PCLO: variants seen among roughly 807,000 people sequenced by gnomAD.
PCLO encodes protein piccolo.
In PCLO, 82 loss-of-function variants were observed where a neutral mutation model predicts 427.5. The ratio of observed to expected loss-of-function variants is 0.19; its 90% CI spans 0.16 to 0.23. The LOEUF (loss-of-function observed/expected upper bound fraction) is 0.23, where lower values mean the gene tolerates loss of function less well. PCLO is among the 10% of genes least tolerant of loss of function. The pLI, the probability that PCLO is intolerant of heterozygous loss-of-function variation, is 1.00. For missense variants in PCLO, 6,239 were observed against 6,115.9 expected (o/e 1.02, Z -0.67); for synonymous variants, 2,357 against 2,155.4 (o/e 1.09, Z -2.59).
At chr7:82,845,599 A>T in intron 12 of PCLO, 114 bp from the exon 13 acceptor site, 1 of 685,564 alleles carries the variant, frequency 1.5e-6, no homozygotes, top group Non-Finnish European at 2.5e-6. Flanking sequence ...AAATAAGCTA[A>T]ACTTTAAAAA....
intron 3 of PCLO, among the ~76,000 whole-genome samples, chr7:83,040,751 T>G (rs1464569569): frequency 6.6e-6 from 1 of 152,166 alleles, no homozygotes; most frequent in East Asian, 1.9e-4. Context: ...GTCAGTTTCT[T>G]TGGAGAGGAA....
At chr7:82,793,838 G>A (rs1004014339) in intron 22 of PCLO, among the ~76,000 whole-genome samples, 2 of 152,020 alleles carry the variant, frequency 1.3e-5, no homozygotes, top group Non-Finnish European at 2.9e-5. Flanking sequence ...TTGTGTGTGG[G>A]GTCAGGGTAT....
chr7:83,062,368 A>C (rs776894523), intron 3 of PCLO, among the ~76,000 whole-genome samples: 2 of 152,184 alleles, frequency 1.3e-5, no homozygotes, highest in Non-Finnish European at 2.9e-5. Flanking sequence ...AAGGGAAATC[A>C]TATCTAAGCC....
chr7:83,000,021 C>G (rs1265368781), intron 3 of PCLO, among the ~76,000 whole-genome samples: 1 of 139,112 alleles, frequency 7.2e-6, no homozygotes, highest in Non-Finnish European at 1.5e-5. Flanking sequence ...TCTGAGAACA[C>G]CAAGCAGAAT....
intron 22 of PCLO, among the ~76,000 whole-genome samples, chr7:82,783,079 T>C (rs1457484081): frequency 6.6e-6 from 1 of 152,166 alleles, no homozygotes; most frequent in Non-Finnish European, 1.5e-5. Flanking sequence ...AGCAACTTCA[T>C]CCCTTGCCTT....
chr7:82,954,346 G>A lies in PCLO; in HGVS notation c.6607C>T (p.Leu2203=). Residue 2203 remains leucine (L), a synonymous_variant, in exon 5 of 25, where the codon CTG becomes TTG. Coordinates refer to ENST00000333891, the MANE Select transcript of PCLO (RefSeq NM_033026.6). ...TTDSSSPITT[L]DSITTVYTEP... is the part of the protein sequence containing the mutation. ...GTATAAACTGTGGTTATGCTATCCA[G>A]GGTAGTAATGGGTGAAGAGCTATCT... 2 of 1,613,828 alleles carry A rather than the reference G, an allele frequency of 1.2e-6. No individual in the cohort carries two copies. The highest frequency in any genetic ancestry group is 1.7e-6 in the Non-Finnish European group (2 of 1,179,780).
intron 22 of PCLO, among the ~76,000 whole-genome samples, chr7:82,774,291 C>T (rs1790704729): frequency 6.6e-6 from 1 of 152,166 alleles, no homozygotes; most frequent in Admixed American, 6.6e-5. Flanking sequence ...GAGGTATTCT[C>T]CCAATTCCAT....
intron 20 of PCLO, among the ~76,000 whole-genome samples, chr7:82,806,118 A>G (rs1339601895): frequency 6.6e-6 from 1 of 152,142 alleles, no homozygotes; most frequent in South Asian, 2.1e-4. Flanking sequence ...TACTATTATT[A>G]TTTTTGTGGT....
chr7:82,916,185 A>G lies in PCLO; in HGVS notation c.11801T>C (p.Met3934Thr). Residue 3934 changes from methionine (M) to threonine (T), a missense_variant, in exon 7 of 25, where the codon ATG becomes ACG. Met to Thr is a moderately conservative substitution (Grantham distance 81). This residue lies in a region of PCLO where 680 missense variants were observed against 677.3 expected (regional missense o/e 1.00). Coordinates refer to ENST00000333891, the MANE Select transcript of PCLO (RefSeq NM_033026.6). ...TQPTFQAVAT[M>T]SFTPQVQPTP... Reference sequence around the variant, plus strand: ...AGGTTGAACTTGAGGTGTGAAGGACATTGTTGCCACAGCTTGGAATGTTGG... The same window carrying G: ...AGGTTGAACTTGAGGTGTGAAGGACGTTGTTGCCACAGCTTGGAATGTTGG... 6.2e-7 allele frequency: 1 copy of G among 1,613,632 alleles called. No individual in the cohort carries two copies. Among genetic ancestry groups the G allele is most frequent in the South Asian group, 1.1e-5 (1 of 91,082 alleles).
intron 3 of PCLO, among the ~76,000 whole-genome samples, chr7:83,092,099 T>C (rs2116442504): frequency 6.6e-6 from 1 of 152,294 alleles, no homozygotes; most frequent in South Asian, 2.1e-4. Flanking sequence ...AAATTCAACT[T>C]AGGAAACTCC....
chr7:83,023,081 T>C (rs1414772948), intron 3 of PCLO, among the ~76,000 whole-genome samples: 1 of 152,184 alleles, frequency 6.6e-6, no homozygotes, highest in Non-Finnish European at 1.5e-5. Context: ...ACAGTTTTTC[T>C]TCAAAAACTG....
chr7:83,091,360 T>C (rs1404019268), intron 3 of PCLO, among the ~76,000 whole-genome samples: 2 of 152,146 alleles, frequency 1.3e-5, no homozygotes, highest in Non-Finnish European at 2.9e-5. Context: ...TAGAATCATA[T>C]TCTCTCCAGG....
chr7:82,933,959 C>G (rs144691427), intron 6 of PCLO, among the ~76,000 whole-genome samples: 37 of 151,924 alleles, frequency 2.4e-4, no homozygotes, highest in South Asian at 2.3e-3. Context: ...TGGGTTTGGT[C>G]TAGTGCCTCT....
chr7:83,132,640 A>G (rs1447260193), intron 3 of PCLO, among the ~76,000 whole-genome samples: 1 of 152,076 alleles, frequency 6.6e-6, no homozygotes, highest in Non-Finnish European at 1.5e-5. Context: ...CCATACACAT[A>G]TATGTAAAAT....
Position 82,954,948 on chromosome 7 carries a change from T to C in PCLO, c.6005A>G (p.Asp2002Gly), listed in dbSNP as rs1795471855. Reference sequence around the variant, plus strand: ...GAGGTCTGTAATTTTCTGCATAGGATCTTCATAAATCTGTTCTGAAAGTCT... The same window carrying C: ...GAGGTCTGTAATTTTCTGCATAGGACCTTCATAAATCTGTTCTGAAAGTCT... ...KIRLSEQIYE[D>G]PMQKITDLQK... is the part of the protein sequence containing the mutation. The change falls in exon 5 of 25, where the codon GAT becomes GGT. Residue 2002 changes from aspartate (D) to glycine (G), a missense_variant. This residue lies in a region of PCLO where 4,677 missense variants were observed against 4,468.4 expected (regional missense o/e 1.05). Coordinates refer to ENST00000333891, the MANE Select transcript of PCLO (RefSeq NM_033026.6). 6.2e-7 allele frequency: 1 copy of C among 1,613,686 alleles called. No homozygotes were observed. Among genetic ancestry groups the C allele is most frequent in the Non-Finnish European group, 8.5e-7 (1 of 1,179,830 alleles).
intron 6 of PCLO, among the ~76,000 whole-genome samples, chr7:82,930,826 G>T (rs1794823197): frequency 6.6e-6 from 1 of 152,092 alleles, no homozygotes; most frequent in Non-Finnish European, 1.5e-5. Context: ...AATGATATGT[G>T]ATGGGTCTAG....
At chr7:82,937,402 TG>T (rs1794982228) in intron 6 of PCLO, among the ~76,000 whole-genome samples, 1 of 150,156 alleles carries the variant, frequency 6.7e-6, no homozygotes, top group African/African-American at 2.4e-5. Context: ...TAAACTCTAC[TG>T]TAGTATTTTA....
chr7:82,918,614 T>G (rs2116283809), intron 6 of PCLO, among the ~76,000 whole-genome samples: 1 of 152,182 alleles, frequency 6.6e-6, no homozygotes. Context: ...CAAAAACATC[T>G]TCAGTCCTCT....
intron 6 of PCLO, among the ~76,000 whole-genome samples, chr7:82,925,713 C>CTTTTT (rs34017885): frequency 9.5e-4 from 75 of 79,012 alleles, no homozygotes; most frequent in African/African-American, 2.8e-3. Flanking sequence ...ATTTTTGTTG[C>CTTTTT]TTTTTTTTTT....
Sources: allele counts gnomAD v4.1 joint callset (sites outside exome capture counted in the v4.1 genomes callset), GRCh38; gene constraint gnomAD v4.1.1; regional missense constraint gnomAD v4.1.1; transcripts MANE v1.5; gene names NCBI Gene and HGNC (gene_info 2026-07-23, HGNC 2026-07-21).